The following SRGAP1 variants were observed in gnomAD, a reference collection of about 807,000 sequenced individuals.
SRGAP1 encodes SLIT-ROBO Rho GTPase activating protein 1.
In SRGAP1, 43 loss-of-function variants were observed where a neutral mutation model predicts 121.9. The ratio of observed to expected loss-of-function variants is 0.35; its 90% CI spans 0.28 to 0.46. The LOEUF is 0.46. Ranked by LOEUF, SRGAP1 falls within the 20% of genes least tolerant of loss-of-function variation. The pLI is 1.00. For synonymous variants in SRGAP1, 447 were observed against 485.4 expected (o/e 0.92, Z 1.04); for missense variants, 1,102 against 1,350.9 (o/e 0.82, Z 2.89).
At chr12:64,065,944 TA>T (rs2035532554) in intron 8 of SRGAP1, among the ~76,000 whole-genome samples, 1 of 152,270 alleles carries the variant, frequency 6.6e-6, no homozygotes, top group Non-Finnish European at 1.5e-5. Flanking sequence ...TATGTTGAGC[TA>T]GGAAGCAATT....
chr12:63,945,478 T>C (rs1555243130), intron 1 of SRGAP1, among the ~76,000 whole-genome samples: 1 of 152,022 alleles, frequency 6.6e-6, no homozygotes, highest in Non-Finnish European at 1.5e-5. Flanking sequence ...ATGTGTTCTC[T>C]TTGTTCAACT....
intron 1 of SRGAP1, among the ~76,000 whole-genome samples, chr12:63,870,538 T>C (rs1899815501): frequency 7.6e-6 from 1 of 132,052 alleles, no homozygotes; most frequent in Non-Finnish European, 1.5e-5. Context: ...TCTTGATTTT[T>C]TTTTTTTTTT....
At chr12:63,919,417 G>T (rs553990874) in intron 1 of SRGAP1, among the ~76,000 whole-genome samples, 59 of 149,778 alleles carry the variant, frequency 3.9e-4, no homozygotes, top group African/African-American at 1.4e-3. Flanking sequence ...TGATCCACCT[G>T]CCTTGGCCTA....
At chr12:63,931,135 T>C (rs967777103) in intron 1 of SRGAP1, among the ~76,000 whole-genome samples, 3 of 152,234 alleles carry the variant, frequency 2.0e-5, no homozygotes, top group African/African-American at 7.2e-5. Flanking sequence ...TTGGTAGTTT[T>C]ATTTTTGTAG....
At chr12:63,939,714 C>G (rs185493185) in intron 1 of SRGAP1, among the ~76,000 whole-genome samples, 16 of 152,240 alleles carry the variant, frequency 1.1e-4, no homozygotes, top group African/African-American at 3.8e-4. Flanking sequence ...AAGAATTATT[C>G]CTAGTGTTAA....
At chr12:64,032,538 C>A in intron 4 of SRGAP1, 1 of 1,159,816 alleles carries the variant, frequency 8.6e-7, no homozygotes, top group Non-Finnish European at 1.3e-6. Context: ...ACAGAGTGAC[C>A]CAAGGCAGTG....
intron 8 of SRGAP1, among the ~76,000 whole-genome samples, chr12:64,077,765 T>A (rs2035764660): frequency 6.6e-6 from 1 of 152,040 alleles, no homozygotes; most frequent in Admixed American, 6.5e-5. Flanking sequence ...AGGAAAGAAT[T>A]GATAAATGCA....
intron 1 of SRGAP1, among the ~76,000 whole-genome samples, chr12:63,861,303 T>TATATATA (rs528177943): frequency 0.055 from 6,592 of 120,470 alleles, 155 homozygotes; most frequent in East Asian, 0.09. Context: ...TATATATATA[T>TATATATA]TTTTTTTTTT....
Position 64,059,465 on chromosome 12 carries a change from C to T in SRGAP1, c.802-3452C>T, listed in dbSNP as rs1226249727. ...GGAGGCTTTTCTCCTGATTTCATTC[C>T]TCTTGATTTCAATTTTTTAAGTCCC... On this transcript the variant is annotated intron_variant, in intron 6 of 21. Transcript: ENST00000355086. 3.3e-5 allele frequency among the ~76,000 whole-genome samples: 5 copies of T among 151,938 alleles called. 1 individual carries two copies. In the South Asian group the frequency reaches 1.0e-3, roughly 32 times the overall value.
At chr12:64,042,290 G>T (rs188290304) in intron 4 of SRGAP1, among the ~76,000 whole-genome samples, 13 of 151,940 alleles carry the variant, frequency 8.6e-5, no homozygotes, top group Admixed American at 7.9e-4. Flanking sequence ...TTACTTTGTG[G>T]TCAGAAAAAC....
At chr12:64,096,795 C>T (rs565932768) in intron 14 of SRGAP1, among the ~76,000 whole-genome samples, 1 of 152,230 alleles carries the variant, frequency 6.6e-6, no homozygotes, top group South Asian at 2.1e-4. Context: ...AATTCAGTGG[C>T]ACCTATGACA....
rs1268030817 is a variant in SRGAP1, at chr12:64,148,529, A to G, written c.*5857A>G. 1.3e-5 allele frequency: 2 copies of G among 151,716 alleles called. No homozygotes were observed. The highest frequency in any genetic ancestry group is 2.9e-5 in the Non-Finnish European group (2 of 67,940). The allele number at this position is 151,716 out of a possible 1,614,324, so 9.4% of individuals were successfully genotyped here. A position where few individuals can be genotyped will look rare whatever the true frequency, so the allele number is the denominator to read the frequency against. On this transcript the variant is annotated 3_prime_UTR_variant, in exon 22 of 22. Transcript: ENST00000355086. Reference sequence around the variant, plus strand: ...ACTCCTGACCTAAAGTGATCTATCTACCTGCCTCAGCCTCCCAAGTGCTGG... The same window carrying G: ...ACTCCTGACCTAAAGTGATCTATCTGCCTGCCTCAGCCTCCCAAGTGCTGG...
rs1274795047 is a variant in SRGAP1 at position 64,146,012 on chromosome 12, A to AC, written c.*3341dup. 26 of 152,200 alleles carry AC rather than the reference A, an allele frequency of 1.7e-4. No individual in the cohort carries two copies. Among genetic ancestry groups the AC allele is most frequent in the Non-Finnish European group, 1.5e-5 (1 of 68,038 alleles). The allele number at this position is 152,200 out of a possible 1,614,324, so 9.4% of individuals were successfully genotyped here. On this transcript the variant is annotated 3_prime_UTR_variant, in exon 22 of 22. Coordinates refer to ENST00000355086, the MANE Select transcript of SRGAP1 (RefSeq NM_020762.4). ...TGTTCACATCCCATCCATAGAACTCACTGAAGGAGATTCATCAAGTCAGCC... is the reference window on the plus strand; with the variant it reads ...TGTTCACATCCCATCCATAGAACTCACCTGAAGGAGATTCATCAAGTCAGCC...
Position 64,041,551 on chromosome 12 carries a change from A to G in SRGAP1, c.490-1239A>G, listed in dbSNP as rs775923080. ...AGGTGCATGCCACCAGGCCCAGCTA[A>G]TTTTTTTATATTTGTAGAGACGGTC... On this transcript the variant is annotated intron_variant, in intron 4 of 21. Coordinates refer to ENST00000355086, the MANE Select transcript of SRGAP1 (RefSeq NM_020762.4). Among the ~76,000 whole-genome samples, 3 of 151,570 alleles carry G rather than the reference A, an allele frequency of 2.0e-5. No individual in the cohort carries two copies. In the East Asian group the frequency reaches 5.9e-4, roughly 30 times the overall value.
Position 64,109,025 on chromosome 12 carries a change from C to T in SRGAP1, c.1907C>T (p.Ala636Val), listed in dbSNP as rs1349316261. 3.8e-6 allele frequency: 6 copies of T among 1,560,628 alleles called. No individual in the cohort carries two copies. Among genetic ancestry groups the T allele is most frequent in the Admixed American group, 3.4e-5 (2 of 58,016 alleles). The change falls in exon 16 of 22, where the codon GCC (alanine) becomes GTC (valine). Residue 636 changes from alanine to valine, a missense_variant. This residue lies in a region of SRGAP1 where 747 missense variants were observed against 929.4 expected (regional missense o/e 0.80). Coordinates refer to ENST00000355086, the MANE Select transcript of SRGAP1 (RefSeq NM_020762.4). ...SVLIVMRYLF[A>V]FLNHLSQYSD... ...CTTATAGTGATGAGGTACCTCTTTG[C>T]CTTCCTCAATCAGTAAGTACCTGAA... is the stretch of plus-strand genomic sequence containing the variant.
intron 8 of SRGAP1, among the ~76,000 whole-genome samples, chr12:64,068,185 A>G (rs2035573050): frequency 6.7e-6 from 1 of 150,344 alleles, no homozygotes; most frequent in African/African-American, 2.4e-5. Context: ...AGGCTGAGAC[A>G]GGAGAATCAC....
chr12:63,946,398 T>C (rs1004438581), intron 1 of SRGAP1, among the ~76,000 whole-genome samples: 18 of 151,876 alleles, frequency 1.2e-4, no homozygotes, highest in Non-Finnish European at 2.6e-4. Context: ...ACCACTAAGA[T>C]AGTGAACATT....
chr12:64,065,716 A>T (rs1486387194), intron 8 of SRGAP1, among the ~76,000 whole-genome samples: 2 of 152,174 alleles, frequency 1.3e-5, no homozygotes, highest in Non-Finnish European at 2.9e-5. Flanking sequence ...CCTGGCCCAC[A>T]GTGTGCCATG....
At chr12:64,023,509 G>A (rs1256596804) in intron 4 of SRGAP1, among the ~76,000 whole-genome samples, 4 of 152,066 alleles carry the variant, frequency 2.6e-5, no homozygotes, top group Non-Finnish European at 5.9e-5. Flanking sequence ...CTTTCTCTAG[G>A]CTTTACAGCA....
Sources: gnomAD v4.1 joint callset for allele counts (sites outside exome capture counted in the v4.1 genomes callset) on GRCh38, gnomAD v4.1.1 for gene constraint, gnomAD v4.1.1 regional missense constraint, MANE v1.5 for transcripts, NCBI Gene and HGNC (gene_info 2026-07-23, HGNC 2026-07-21) for gene names.